Variants in HOXB3 observed in about 807,000 individuals in gnomAD.
HOXB3 encodes homeobox protein Hox-B3.
In HOXB3, 17 loss-of-function variants were observed where a neutral mutation model predicts 29.2. That is an observed-to-expected ratio of 0.58 (90% CI 0.40 to 0.87). The LOEUF (loss-of-function observed/expected upper bound fraction) is 0.87. Among genes scored for constraint, HOXB3 ranks in the 40% least tolerant of loss-of-function variants. The pLI is 0.00. For synonymous variants in HOXB3, 317 were observed against 285.9 expected (o/e 1.11, Z -1.10); for missense variants, 637 against 616.3 (o/e 1.03, Z -0.35).
chr17:48,551,935 C>G (rs1359328150), intron 4 of HOXB3, 92 bp downstream of exon 4: 9 of 1,241,618 alleles, frequency 7.2e-6, no homozygotes, highest in African/African-American at 6.0e-5. Context: ...TCCCAGGCAG[C>G]CTCGCGGGCG....
intron 1 of HOXB3, chr17:48,577,998 G>T: frequency 7.7e-7 from 1 of 1,300,158 alleles, no homozygotes. Flanking sequence ...TCGCAGCGCT[G>T]GCCGGGCTCC....
rs1176587071 is a variant in HOXB3 at position 48,549,935 on chromosome 17, C to CA, written c.*398dup. The CA allele has an allele frequency of 6.1e-6, 1 of 165,262 alleles. No individual in the cohort carries two copies. Among genetic ancestry groups the CA allele is most frequent in the Admixed American group, 5.8e-5 (1 of 17,176 alleles). 10.2% of individuals were successfully genotyped at this position (165,262 alleles called of 1,614,324 possible). Reference sequence around the variant, plus strand: ...ATCAAGATTTGGGGGGAATTACCTACAAAGATGTAAGGTAAGTCCGTTGGT... The same window carrying CA: ...ATCAAGATTTGGGGGGAATTACCTACAAAAGATGTAAGGTAAGTCCGTTGGT... On this transcript the variant is annotated 3_prime_UTR_variant, in exon 5 of 5. Transcript: ENST00000498678.
chr17:48,550,473 T>C lies in HOXB3; in HGVS notation c.1157A>G (p.Tyr386Cys). ...GGGCGCCATAGGGGGCGCCCCGTTG[T>C]AGTCCAGGTTCCCGGAAGGGTGATG... is the stretch of plus-strand genomic sequence containing the variant. ...LSHHPSGNLD[Y>C]NGAPPMAPSQ... Residue 386 changes from tyrosine to cysteine, a missense_variant, in exon 5 of 5, where the codon TAC becomes TGC. Coordinates refer to ENST00000498678, the MANE Select transcript of HOXB3 (RefSeq NM_001384749.1). The C allele has an allele frequency of 1.2e-6, 2 of 1,610,532 alleles. No homozygotes were observed. The highest frequency in any genetic ancestry group is 1.7e-6 in the Non-Finnish European group (2 of 1,179,162).
intron 1 of HOXB3, among the ~76,000 whole-genome samples, chr17:48,584,174 T>TA (rs1276779161): frequency 1.3e-5 from 2 of 152,174 alleles, no homozygotes; most frequent in African/African-American, 2.4e-5. Flanking sequence ...TCAACTCCCG[T>TA]AAAAAAGATC....
At chr17:48,567,226 T>C (rs1351268740) in intron 2 of HOXB3, among the ~76,000 whole-genome samples, 1 of 152,004 alleles carries the variant, frequency 6.6e-6, no homozygotes, top group Non-Finnish European at 1.5e-5. Flanking sequence ...TGGAGCAGAG[T>C]GTGGGAGCGA....
chr17:48,573,906 CTG>C lies in HOXB3; in HGVS notation c.-318_-317del, dbSNP rs1348257709. 1 of 700,442 alleles carries C rather than the reference CTG, an allele frequency of 1.4e-6. No homozygotes were observed. The highest frequency in any genetic ancestry group is 2.6e-6 in the Non-Finnish European group (1 of 384,388). 43.4% of individuals were successfully genotyped at this position (700,442 alleles called of 1,614,324 possible). On this transcript the variant is annotated 5_prime_UTR_variant, in exon 2 of 5. Transcript: ENST00000498678. Reference sequence around the variant, plus strand: ...TTCATGACGAAGGGCTTCTTCCAAACTGAGAGAAAAAAGTTTTCAACTTTATG... The same window carrying C: ...TTCATGACGAAGGGCTTCTTCCAAACAGAGAAAAAAGTTTTCAACTTTATG...
intron 2 of HOXB3, among the ~76,000 whole-genome samples, chr17:48,568,733 A>T (rs2069476302): frequency 6.6e-6 from 1 of 152,096 alleles, no homozygotes; most frequent in Non-Finnish European, 1.5e-5. Context: ...AGGTTGGAGG[A>T]CAGAGGGAGA....
At position 48,552,144 on chromosome 17, in the gene HOXB3, T is replaced by G; in HGVS notation, c.331A>C (p.Lys111Gln). 6.2e-7 allele frequency: 1 copy of G among 1,613,980 alleles called. No individual in the cohort carries two copies. The highest frequency in any genetic ancestry group is 8.5e-7 in the Non-Finnish European group (1 of 1,179,934). Residue 111 changes from lysine (K) to glutamine (Q), a missense_variant, in exon 4 of 5, where the codon AAA (lysine) becomes CAA (glutamine). Lys to Gln is a moderately conservative substitution (Grantham distance 53). Coordinates refer to ENST00000498678, the MANE Select transcript of HOXB3 (RefSeq NM_001384749.1). Reference protein sequence around the residue: ...SNSSNGGGPSKSGPPKCGPGT... With the variant: ...SNSSNGGGPSQSGPPKCGPGT... ...GGACCGCACTTTGGGGGACCACTTT[T>G]GCTGGGCCCGCCCCCATTACTGCTG...
intron 3 of HOXB3, chr17:48,552,889 G>C (rs1325443280): frequency 1.8e-5 from 3 of 169,408 alleles, no homozygotes; most frequent in African/African-American, 7.2e-5. Context: ...TCTCCTGCCT[G>C]TGCACTAGCC....
rs2068629169 is a variant in HOXB3, at chr17:48,549,393, A to G, written c.*941T>C. 1 of 152,636 alleles carries G rather than the reference A, an allele frequency of 6.6e-6. No homozygotes were observed. Among genetic ancestry groups the G allele is most frequent in the African/African-American group, 2.4e-5 (1 of 41,450 alleles). The allele number at this position is 152,636 out of a possible 1,614,324, so 9.5% of individuals were successfully genotyped here. On this transcript the variant is annotated 3_prime_UTR_variant, in exon 5 of 5. Coordinates refer to ENST00000498678, the MANE Select transcript of HOXB3 (RefSeq NM_001384749.1). ...AAAATGTAAATTCTAAGTGCAACAA[A>G]AGTGTCCTGTCAGGAGGCTGAGCAA...
In HOXB3 at chr17:48,550,312, A is replaced by G. The variant is rs1393687893; in HGVS notation, c.*22T>C. On this transcript the variant is annotated 3_prime_UTR_variant, in exon 5 of 5. Transcript: ENST00000498678. The stretch of plus-strand genomic sequence containing the variant: ...GTCTCTCTCTTCCTCCCCATCCCCT[A>G]ATCCTCGTTCGCCCTTTCCCATCAC... 6 of 1,613,198 alleles carry G rather than the reference A, an allele frequency of 3.7e-6. No individual in the cohort carries two copies. The Admixed American group carries it at 1.0e-4, about 27-fold the overall frequency.
chr17:48,571,887 C>T (rs1248327746), intron 2 of HOXB3, among the ~76,000 whole-genome samples: 1 of 152,212 alleles, frequency 6.6e-6, no homozygotes, highest in Non-Finnish European at 1.5e-5. Flanking sequence ...TGTCAAGAAA[C>T]AATTTACAAA....
intron 2 of HOXB3, among the ~76,000 whole-genome samples, chr17:48,570,364 CG>C (rs1221065462): frequency 6.6e-6 from 1 of 152,094 alleles, no homozygotes; most frequent in Non-Finnish European, 1.5e-5. Context: ...AGTTCTCGGC[CG>C]GGGCATGGGA....
chr17:48,554,865 G>A lies in HOXB3; in HGVS notation c.-159+666C>T. 1 of 702,126 alleles carries A rather than the reference G, an allele frequency of 1.4e-6. No individual in the cohort carries two copies. The highest frequency in any genetic ancestry group is 2.6e-6 in the Non-Finnish European group (1 of 384,716). The allele number at this position is 702,126 out of a possible 1,614,324, so 43.5% of individuals were successfully genotyped here. On this transcript the variant is annotated intron_variant, in intron 3 of 4. Transcript: ENST00000498678. This position sits in a 1 kb window ranked among gnomAD's most constrained non-coding sequence, Gnocchi z 4.1. ...CCTGGCGGACGGGACAGTGGGAAGA[G>A]AGAAAGGTGCTAAGGGGACCCAAGA...
rs547096338 is a variant in HOXB3, at chr17:48,552,034, G to C, written c.441C>G (p.Pro147=). ...RQTSKLKNNS[P]GTAEGCGGGG... ...AAGGCAGAGAACTGGTACCTGTGCC[G>C]GGGGAGTTGTTTTTCAGCTTGGACG... Residue 147 remains proline (P), a synonymous_variant, in exon 4 of 5, where the codon CCC becomes CCG. Transcript: ENST00000498678. 9 of 1,572,388 alleles carry C rather than the reference G, an allele frequency of 5.7e-6. No individual in the cohort carries two copies. Among genetic ancestry groups the C allele is most frequent in the Non-Finnish European group, 4.3e-6 (5 of 1,154,970 alleles).
At chr17:48,577,647 T>C (rs1479755146) in intron 1 of HOXB3, among the ~76,000 whole-genome samples, 1 of 152,168 alleles carries the variant, frequency 6.6e-6, no homozygotes, top group Non-Finnish European at 1.5e-5. Context: ...ATGGGGAACC[T>C]ACTTCAAAGG....
intron 3 of HOXB3, chr17:48,553,083 GCAAAGTCTAGCCTGAAGGAAAAC>G (rs1176070544): frequency 6.6e-6 from 1 of 152,292 alleles, no homozygotes; most frequent in Non-Finnish European, 1.5e-5. Context: ...TCTTGCCCAA[GCAAAGTCTAGCCTGAAGGAAAAC>G]CAAAGGATCT....
chr17:48,576,751 G>C (rs767904414), intron 1 of HOXB3: 1 of 1,590,320 alleles, frequency 6.3e-7, no homozygotes, highest in African/African-American at 1.3e-5. Context: ...CCATTGGGCC[G>C]GCCAGGGGGC....
chr17:48,583,296 C>T (rs1033365235), intron 1 of HOXB3, among the ~76,000 whole-genome samples: 5 of 152,112 alleles, frequency 3.3e-5, no homozygotes, highest in African/African-American at 4.8e-5. Context: ...CCCCTCCCCC[C>T]GAAGAATCGT....
Sources: allele counts gnomAD v4.1 joint callset (sites outside exome capture counted in the v4.1 genomes callset), GRCh38; gene constraint gnomAD v4.1.1; non-coding constraint Gnocchi (gnomAD v3.1); transcripts MANE v1.5; gene names NCBI Gene and HGNC (gene_info 2026-07-23, HGNC 2026-07-21).